The following SLCO5A1 variants were observed in gnomAD, a reference collection of about 807,000 sequenced individuals.
SLCO5A1 encodes the protein solute carrier organic anion transporter family member 5A1.
Under a neutral mutation model 65.1 loss-of-function variants are expected in SLCO5A1, and 39 were observed. That is an observed-to-expected ratio of 0.60 (90% CI 0.46 to 0.78). The LOEUF (loss-of-function observed/expected upper bound fraction) is 0.78, where lower values mean the gene tolerates loss of function less well. Among genes scored for constraint, SLCO5A1 ranks in the 30% least tolerant of loss-of-function variants. SLCO5A1 has a pLI of 0.00. For synonymous variants in SLCO5A1, 438 were observed against 415.7 expected (o/e 1.05, Z -0.65); for missense variants, 1,029 against 1,069.4 (o/e 0.96, Z 0.53).
chr8:69,682,449 C>A, intron 6 of SLCO5A1, 106 bp from the exon 7 acceptor site: 1 of 1,178,984 alleles, frequency 8.5e-7, no homozygotes, highest in Non-Finnish European at 1.1e-6. Flanking sequence ...ATATTCTTCC[C>A]ATTGAATCAA....
chr8:69,823,761 C>G (rs1230207129), intron 2 of SLCO5A1, among the ~76,000 whole-genome samples: 1 of 152,182 alleles, frequency 6.6e-6, no homozygotes, highest in Admixed American at 6.5e-5. Context: ...GAACTCAGCT[C>G]TGCACCAAGC....
chr8:69,752,230 C>CA (rs148415990), intron 4 of SLCO5A1, among the ~76,000 whole-genome samples: 1,945 of 151,706 alleles, frequency 0.013, 43 homozygotes, highest in African/African-American at 0.045. Context: ...GACTCTGTCT[C>CA]AATAAACTAA....
chr8:69,828,525 C>A (rs1821023145), intron 2 of SLCO5A1, among the ~76,000 whole-genome samples: 1 of 151,826 alleles, frequency 6.6e-6, no homozygotes, highest in Non-Finnish European at 1.5e-5. Flanking sequence ...TGGCGTCAAC[C>A]TGGAAGGCGG....
intron 5 of SLCO5A1, among the ~76,000 whole-genome samples, chr8:69,729,176 G>A (rs1019616016): frequency 2.0e-5 from 3 of 152,162 alleles, no homozygotes; most frequent in African/African-American, 7.2e-5. Flanking sequence ...CCGGTGCAGT[G>A]GCTCACGCCT....
chr8:69,715,993 C>A (rs1180043222), intron 5 of SLCO5A1, among the ~76,000 whole-genome samples: 1 of 152,164 alleles, frequency 6.6e-6, no homozygotes, highest in East Asian at 1.9e-4. Flanking sequence ...CCTTGCCCCG[C>A]ACTGCTCCAG....
intron 2 of SLCO5A1, 52 bp from the exon 3 acceptor site, chr8:69,761,927 T>C: frequency 6.3e-7 from 1 of 1,596,098 alleles, no homozygotes; most frequent in Non-Finnish European, 8.5e-7. Context: ...TATTACATGT[T>C]AGGAGTTCTC....
chr8:69,687,719 C>T (rs777027972), intron 6 of SLCO5A1, among the ~76,000 whole-genome samples: 2 of 151,884 alleles, frequency 1.3e-5, no homozygotes, highest in Non-Finnish European at 2.9e-5. Flanking sequence ...TCTCAATGTA[C>T]GTATAGATTA....
At chr8:69,799,480 A>G (rs886150916) in intron 2 of SLCO5A1, among the ~76,000 whole-genome samples, 5 of 152,216 alleles carry the variant, frequency 3.3e-5, no homozygotes, top group African/African-American at 1.2e-4. Context: ...AATGCACGAT[A>G]TGCTATTGAT....
At chr8:69,735,161 C>T (rs1368039318) in intron 5 of SLCO5A1, among the ~76,000 whole-genome samples, 11 of 152,088 alleles carry the variant, frequency 7.2e-5, no homozygotes, top group Non-Finnish European at 1.3e-4. Context: ...ATTAAAAAGT[C>T]AAGAAACAAC....
chr8:69,694,127 G>T (rs572548371), intron 6 of SLCO5A1, among the ~76,000 whole-genome samples: 1 of 152,186 alleles, frequency 6.6e-6, no homozygotes, highest in Middle Eastern at 3.2e-3. Context: ...CAGCAAGAAG[G>T]TTGTGTGTGC....
At position 69,682,227 on chromosome 8, in the gene SLCO5A1, G is replaced by T; in HGVS notation, c.1739C>A (p.Pro580His). The T allele has an allele frequency of 6.2e-7, 1 of 1,612,910 alleles. No homozygotes were observed. Among genetic ancestry groups the T allele is most frequent in the East Asian group, 2.2e-5 (1 of 44,774 alleles). The change falls in exon 7 of 10, where the codon CCT becomes CAT. Residue 580 changes from proline to histidine, a missense_variant. By Grantham distance (77) the Pro-to-His change is moderately conservative (BLOSUM62 -2). Around this residue, in one of 3 missense-constraint regions of SLCO5A1, gnomAD observed 124 missense variants for 184.5 expected, o/e 0.67. Coordinates refer to ENST00000260126, the MANE Select transcript of SLCO5A1 (RefSeq NM_030958.3). ...CGSDGITYFN[P>H]CLAGCVNSGN... ...ACTATTAACACAGCCAGCCAGACAA[G>T]GGTTAAAGTATGTAATTCCATCTGA...
chr8:69,759,352 A>G (rs1438596661), intron 3 of SLCO5A1, among the ~76,000 whole-genome samples: 1 of 152,188 alleles, frequency 6.6e-6, no homozygotes, highest in Non-Finnish European at 1.5e-5. Flanking sequence ...TAGAACTAAC[A>G]TTGAGCCATT....
chr8:69,713,576 T>C (rs1815377057), intron 5 of SLCO5A1: 1 of 152,242 alleles, frequency 6.6e-6, no homozygotes, highest in Non-Finnish European at 1.5e-5. Flanking sequence ...CTAAATACAG[T>C]ATCTCATTTA....
At chr8:69,712,836 T>C (rs1234159310) in intron 5 of SLCO5A1, among the ~76,000 whole-genome samples, 1 of 150,378 alleles carries the variant, frequency 6.6e-6, no homozygotes, top group Non-Finnish European at 1.5e-5. Context: ...TATATAACTT[T>C]GAATTTATTA....
chr8:69,798,663 G>A (rs2130900467), intron 2 of SLCO5A1, among the ~76,000 whole-genome samples: 1 of 152,250 alleles, frequency 6.6e-6, no homozygotes, highest in Non-Finnish European at 1.5e-5. Flanking sequence ...CAACACTGGG[G>A]ATTACAATTC....
intron 2 of SLCO5A1, among the ~76,000 whole-genome samples, chr8:69,769,016 A>T (rs879357077): frequency 6.6e-6 from 1 of 152,058 alleles, no homozygotes; most frequent in African/African-American, 2.4e-5. Context: ...TTCTGGTACC[A>T]TCCCTTCAGG....
intron 2 of SLCO5A1, among the ~76,000 whole-genome samples, 176 bp from the exon 3 acceptor site, chr8:69,762,051 T>C (rs1421337240): frequency 6.6e-6 from 1 of 152,228 alleles, no homozygotes; most frequent in Non-Finnish European, 1.5e-5. Context: ...AGCTTGCCCT[T>C]TGTTAACCTA....
At chr8:69,763,614 C>CAAAAA (rs770191440) in intron 2 of SLCO5A1, among the ~76,000 whole-genome samples, 5 of 13,168 alleles carry the variant, frequency 3.8e-4, no homozygotes, top group African/African-American at 6.0e-4. Flanking sequence ...AGCAAGACTC[C>CAAAAA]AAAAAAAAAA....
At chr8:69,711,590 G>T (rs1815263107) in intron 5 of SLCO5A1, among the ~76,000 whole-genome samples, 1 of 152,184 alleles carries the variant, frequency 6.6e-6, no homozygotes, top group Non-Finnish European at 1.5e-5. Context: ...AGAACCCAAC[G>T]CAATTCCATA....
Sources: gnomAD v4.1 joint callset for allele counts (sites outside exome capture counted in the v4.1 genomes callset) on GRCh38, gnomAD v4.1.1 for gene constraint, gnomAD v4.1.1 regional missense constraint, MANE v1.5 for transcripts, NCBI Gene and HGNC (gene_info 2026-07-23, HGNC 2026-07-21) for gene names.